The following PLIN3 variants were observed in gnomAD, a reference collection of about 807,000 sequenced individuals.
PLIN3 encodes the protein perilipin 3.
Under a neutral mutation model 35.9 loss-of-function variants are expected in PLIN3, and 30 were observed. That is an observed-to-expected ratio of 0.84 (90% CI 0.62 to 1.13). The LOEUF (loss-of-function observed/expected upper bound fraction) is 1.13, where lower values mean the gene tolerates loss of function less well. Among genes scored for constraint, PLIN3 ranks in the 50% most tolerant of loss-of-function variants. The pLI, the probability that PLIN3 is intolerant of heterozygous loss-of-function variation, is 0.00. For missense variants in PLIN3, 603 were observed against 596.9 expected (o/e 1.01, Z -0.11); for synonymous variants, 261 against 262.5 (o/e 0.99, Z 0.06).
intron 6 of PLIN3, among the ~76,000 whole-genome samples, chr19:4,847,046 T>C (rs1370686107): frequency 6.6e-6 from 1 of 151,756 alleles, no homozygotes; most frequent in Non-Finnish European, 1.5e-5. Context: ...CCTGCCATTG[T>C]ACCTGGCTAA....
intron 4 of PLIN3, among the ~76,000 whole-genome samples, chr19:4,858,962 A>T (rs911103951): frequency 6.6e-6 from 1 of 151,512 alleles, no homozygotes; most frequent in Non-Finnish European, 1.5e-5. Flanking sequence ...TTGGCCTCCC[A>T]AAGTGCTGGG....
At chr19:4,851,002 T>G (rs2030271201) in intron 5 of PLIN3, among the ~76,000 whole-genome samples, 1 of 151,972 alleles carries the variant, frequency 6.6e-6, no homozygotes, top group Non-Finnish European at 1.5e-5. Context: ...TACCAAAAAT[T>G]AAATAAAGAA....
At chr19:4,843,452 G>T (rs2029974711) in intron 7 of PLIN3, among the ~76,000 whole-genome samples, 1 of 151,642 alleles carries the variant, frequency 6.6e-6, no homozygotes, top group African/African-American at 2.4e-5. Flanking sequence ...AGCTGGTAGT[G>T]AGCTGAGATT....
chr19:4,860,645 A>G (rs2030644073), intron 2 of PLIN3, among the ~76,000 whole-genome samples: 1 of 152,194 alleles, frequency 6.6e-6, no homozygotes, highest in Admixed American at 6.6e-5. Flanking sequence ...CCCATGGGTC[A>G]CAGCCAGCGC....
intron 5 of PLIN3, 48 bp from the exon 6 acceptor site, chr19:4,847,938 T>G: frequency 7.2e-7 from 1 of 1,385,258 alleles, no homozygotes; most frequent in South Asian, 1.2e-5. Flanking sequence ...AACACACAGC[T>G]GGGCTCGTCC....
chr19:4,844,850 C>G, intron 6 of PLIN3, 57 bp from the exon 7 acceptor site: 3 of 1,501,386 alleles, frequency 2.0e-6, no homozygotes, highest in Non-Finnish European at 2.7e-6. Flanking sequence ...AGACGGGATT[C>G]CAGAAGGAAC....
intron 7 of PLIN3, among the ~76,000 whole-genome samples, chr19:4,840,772 C>T (rs566623464): frequency 1.9e-4 from 29 of 152,210 alleles, no homozygotes; most frequent in African/African-American, 6.3e-4. Flanking sequence ...TGGCGAAACC[C>T]GCATTTCTAC....
intron 4 of PLIN3, among the ~76,000 whole-genome samples, chr19:4,855,509 T>C (rs1043068686): frequency 3.3e-5 from 5 of 152,076 alleles, no homozygotes; most frequent in Non-Finnish European, 7.3e-5. Flanking sequence ...GGTGTAGGCA[T>C]GGCTGGGCAT....
chr19:4,861,508 T>C, intron 1 of PLIN3, 97 bp from the exon 2 acceptor site: 1 of 780,596 alleles, frequency 1.3e-6, no homozygotes. Flanking sequence ...GGTTCACACC[T>C]GCCCATGACT....
intron 6 of PLIN3, among the ~76,000 whole-genome samples, chr19:4,846,069 A>T (rs929824548): frequency 2.0e-5 from 3 of 151,708 alleles, no homozygotes; most frequent in African/African-American, 7.3e-5. Context: ...CTAAAAATAG[A>T]AAAGAAAATT....
At chr19:4,843,330 T>C (rs920616077) in intron 7 of PLIN3, among the ~76,000 whole-genome samples, 108 of 151,280 alleles carry the variant, frequency 7.1e-4, no homozygotes, top group African/African-American at 1.9e-3. Flanking sequence ...CACGGTGAAA[T>C]CGCGTCTCTA....
At chr19:4,850,094 G>T (rs1599164521) in intron 5 of PLIN3, among the ~76,000 whole-genome samples, 1 of 151,216 alleles carries the variant, frequency 6.6e-6, no homozygotes, top group East Asian at 2.0e-4. Context: ...TTACAGGGAT[G>T]CGCCACCATG....
intron 7 of PLIN3, among the ~76,000 whole-genome samples, chr19:4,839,922 C>T (rs913752418): frequency 3.3e-5 from 5 of 151,326 alleles, no homozygotes; most frequent in Admixed American, 2.6e-4. Flanking sequence ...GCCTTGGCCT[C>T]CCAAAATGCT....
intron 7 of PLIN3, among the ~76,000 whole-genome samples, chr19:4,843,267 G>T (rs2029965636): frequency 6.6e-6 from 1 of 151,738 alleles, no homozygotes; most frequent in Non-Finnish European, 1.5e-5. Context: ...AGCACTTTGG[G>T]AGGCCGAGGC....
chr19:4,847,819 A>G lies in PLIN3; in HGVS notation c.706T>C (p.Phe236Leu), dbSNP rs1599162668. The G allele has an allele frequency of 6.2e-7, 1 of 1,613,892 alleles. No homozygotes were observed. The highest frequency in any genetic ancestry group is 2.2e-5 in the East Asian group (1 of 44,864). ...TCCGACAGGGAGCCCAGACGTACGAAGTAGCTCTGTTCCTGCCGCTGCTGC... is the reference window on the plus strand; with the variant it reads ...TCCGACAGGGAGCCCAGACGTACGAGGTAGCTCTGTTCCTGCCGCTGCTGC... The part of the protein sequence containing the change: ...VQQQRQEQSY[F>L]VRLGSLSERL... Residue 236 changes from phenylalanine to leucine, a missense_variant, in exon 6 of 8, where the codon TTC becomes CTC. Transcript: ENST00000221957.
intron 5 of PLIN3, among the ~76,000 whole-genome samples, chr19:4,848,132 C>T (rs908004376): frequency 3.3e-5 from 5 of 152,146 alleles, no homozygotes; most frequent in South Asian, 2.1e-4. Flanking sequence ...TACAGGCGCC[C>T]GCCACCATGC....
chr19:4,841,502 T>G (rs554033960), intron 7 of PLIN3, among the ~76,000 whole-genome samples: 1 of 151,354 alleles, frequency 6.6e-6, no homozygotes, highest in Non-Finnish European at 1.5e-5. Flanking sequence ...TTTAGGGGCA[T>G]GAGATGAGAT....
At chr19:4,841,168 A>C (rs1342531154) in intron 7 of PLIN3, among the ~76,000 whole-genome samples, 2 of 152,204 alleles carry the variant, frequency 1.3e-5, no homozygotes, top group Non-Finnish European at 2.9e-5. Context: ...TCCACACACA[A>C]AGACATGCAC....
chr19:4,847,749 C>T lies in PLIN3; in HGVS notation c.776G>A (p.Arg259Gln), dbSNP rs746595162. The T allele has an allele frequency of 7.4e-6, 12 of 1,612,190 alleles. No individual in the cohort carries two copies. The East Asian group carries it at 8.9e-5, about 12-fold the overall frequency. ...CTCCTGTGCCCTCTGCTTGGTGGCT[C>T]GAAGCTTGCCCAGCGAGTGCTCATA... The part of the protein sequence containing the change: ...HAYEHSLGKL[R>Q]ATKQRAQEAL... The change falls in exon 6 of 8, where the codon CGA (arginine) becomes CAA (glutamine). Residue 259 changes from arginine to glutamine, a missense_variant. By Grantham distance (43) the Arg-to-Gln change is conservative. Coordinates refer to ENST00000221957, the MANE Select transcript of PLIN3 (RefSeq NM_005817.5).
Sources: allele counts gnomAD v4.1 joint callset (sites outside exome capture counted in the v4.1 genomes callset), GRCh38; gene constraint gnomAD v4.1.1; transcripts MANE v1.5; gene names NCBI Gene and HGNC (gene_info 2026-07-23, HGNC 2026-07-21).